TIAM2: variants seen among roughly 807,000 people sequenced by gnomAD.
TIAM2 encodes rho guanine nucleotide exchange factor TIAM2.
In TIAM2, 80 loss-of-function variants were observed where a neutral mutation model predicts 152.9. The ratio of observed to expected loss-of-function variants is 0.52; its 90% CI spans 0.44 to 0.63. TIAM2 has a LOEUF of 0.63. Ranked by LOEUF, TIAM2 falls within the 30% of genes least tolerant of loss-of-function variation. The pLI, the probability that TIAM2 is intolerant of heterozygous loss-of-function variation, is 0.00. For synonymous variants in TIAM2, 804 were observed against 838.0 expected (o/e 0.96, Z 0.70); for missense variants, 1,965 against 2,120.1 (o/e 0.93, Z 1.44).
At chr6:155,152,133 A>C (rs1779986458) in intron 7 of TIAM2, among the ~76,000 whole-genome samples, 1 of 152,158 alleles carries the variant, frequency 6.6e-6, no homozygotes, top group Non-Finnish European at 1.5e-5. Context: ...GTAAGCCACC[A>C]CGGCTAATCT....
chr6:155,257,174 G>A lies in TIAM2; in HGVS notation c.*53G>A. 5 of 1,274,580 alleles carry A rather than the reference G, an allele frequency of 3.9e-6. No individual in the cohort carries two copies. The highest frequency in any genetic ancestry group is 5.5e-6 in the Non-Finnish European group (5 of 909,748). 79.0% of individuals were successfully genotyped at this position (1,274,580 alleles called of 1,614,324 possible). Reference sequence around the variant, plus strand: ...TTCCTCATTTTACTTTTAAACTGGTGGTAAAGTGGAAATTGCAAAAAAAAA... The same window carrying A: ...TTCCTCATTTTACTTTTAAACTGGTAGTAAAGTGGAAATTGCAAAAAAAAA... On this transcript the variant is annotated 3_prime_UTR_variant, in exon 27 of 27. Transcript: ENST00000682666.
At position 155,010,006 on chromosome 6, in the gene TIAM2, C is replaced by T. The variant is rs377090427; in HGVS notation, c.-209+14514C>T. On this transcript the variant is annotated intron_variant, in intron 1 of 26. Transcript: ENST00000682666. ...TAGCTGGGACTACAGGCGCCCGCCA[C>T]CACACCTGGCTAATTTTTGTATTTT... 1.8e-4 allele frequency among the ~76,000 whole-genome samples: 28 copies of T among 152,248 alleles called. 1 individual carries two copies. In the South Asian group the frequency reaches 1.9e-3, roughly 10 times the overall value.
intron 23 of TIAM2, 114 bp from the exon 24 acceptor site, chr6:155,252,834 T>A: frequency 1.1e-6 from 1 of 893,846 alleles, no homozygotes; most frequent in Non-Finnish European, 1.8e-6. Flanking sequence ...AACACCCACA[T>A]GGCTGCTCGG....
At position 155,214,019 on chromosome 6, in the gene TIAM2, C is replaced by T. The variant is rs983940790; in HGVS notation, c.3168+2712C>T. On this transcript the variant is annotated intron_variant, in intron 15 of 26. Coordinates refer to ENST00000682666, the MANE Select transcript of TIAM2 (RefSeq NM_012454.4). The surrounding 1 kb of genome is among the most constrained non-coding windows in gnomAD (Gnocchi z 5.4). ...ATGTCTGGGTCCACAGTCGCGGCTA[C>T]GTGGCTGCAGCAGTACCCGGGAGGG... Among the ~76,000 whole-genome samples, 4 of 152,204 alleles carry T rather than the reference C, an allele frequency of 2.6e-5. No individual in the cohort carries two copies. Among genetic ancestry groups the T allele is most frequent in the South Asian group, 2.1e-4 (1 of 4,832 alleles).
intron 2 of TIAM2, among the ~76,000 whole-genome samples, chr6:155,126,998 T>C (rs1779311566): frequency 6.6e-6 from 1 of 152,190 alleles, no homozygotes. Flanking sequence ...TGCTAACATG[T>C]GCTTGAGAAA....
At chr6:155,110,535 CAT>C (rs901866101) in intron 2 of TIAM2, among the ~76,000 whole-genome samples, 11 of 152,156 alleles carry the variant, frequency 7.2e-5, no homozygotes, top group Admixed American at 2.0e-4. Flanking sequence ...TAGGTGCACA[CAT>C]GTTACCCTAA....
At chr6:155,200,984 G>A (rs373811527) in intron 14 of TIAM2, among the ~76,000 whole-genome samples, 37 of 152,158 alleles carry the variant, frequency 2.4e-4, no homozygotes, top group African/African-American at 7.7e-4. Context: ...TCCAACCCCC[G>A]CTCCTGGCAA....
At chr6:155,256,177 A>AACTT (rs1288791835) in intron 26 of TIAM2, 16 of 532,688 alleles carry the variant, frequency 3.0e-5, no homozygotes, top group African/African-American at 9.8e-5. Flanking sequence ...TTAACTTTTC[A>AACTT]ACTTACTCCT....
In TIAM2 at chr6:155,257,273, G is replaced by GTTATT; in HGVS notation, c.*156_*160dup. 1 of 879,394 alleles carries GTTATT rather than the reference G, an allele frequency of 1.1e-6. No individual in the cohort carries two copies. The highest frequency in any genetic ancestry group is 1.8e-5 in the South Asian group (1 of 54,570). 54.5% of individuals were successfully genotyped at this position (879,394 alleles called of 1,614,324 possible). On this transcript the variant is annotated 3_prime_UTR_variant, in exon 27 of 27. Transcript: ENST00000682666. Reference sequence around the variant, plus strand: ...CCACAAAATGGTTGTAAAGATTTAAGTTATTTTAATTTATTGTGGATCAGA... The same window carrying GTTATT: ...CCACAAAATGGTTGTAAAGATTTAAGTTATTTTATTTTAATTTATTGTGGATCAGA...
intron 14 of TIAM2, among the ~76,000 whole-genome samples, chr6:155,205,145 A>T (rs1781564817): frequency 8.1e-6 from 1 of 123,420 alleles, no homozygotes; most frequent in Non-Finnish European, 1.6e-5. Context: ...ATTCTGGGGG[A>T]TACATTCAAA....
chr6:155,039,766 C>T (rs960888924), intron 1 of TIAM2, among the ~76,000 whole-genome samples: 1 of 152,150 alleles, frequency 6.6e-6, no homozygotes, highest in Non-Finnish European at 1.5e-5. Context: ...TGTAACTTGT[C>T]TCTTCCTAAA....
Position 155,104,496 on chromosome 6 carries a change from A to G in TIAM2, c.-118+14117A>G, listed in dbSNP as rs192660648. Among the ~76,000 whole-genome samples, 479 of 152,210 alleles carry G rather than the reference A, an allele frequency of 3.1e-3. 3 individuals are homozygous for G. Among genetic ancestry groups the G allele is most frequent in the Admixed American group, 4.6e-3 (70 of 15,286 alleles). On this transcript the variant is annotated intron_variant, in intron 2 of 26. Transcript: ENST00000682666. ...AAGCATGGCCGGCACGGTGGGTCAC[A>G]CCTGTCATCCCAGCACTTTGGGAGG...
At chr6:155,098,500 A>C (rs1346760100) in intron 2 of TIAM2, among the ~76,000 whole-genome samples, 1 of 152,192 alleles carries the variant, frequency 6.6e-6, no homozygotes. Flanking sequence ...GCATATATAG[A>C]TGCTACTGAT....
Position 155,137,497 on chromosome 6 carries a change from G to C in TIAM2, c.1515G>C (p.Gly505=). 1.2e-6 allele frequency: 2 copies of C among 1,614,194 alleles called. No homozygotes were observed. The highest frequency in any genetic ancestry group is 1.6e-4 in the Middle Eastern group (1 of 6,062). ...ATCTGCTCTTTGAGAAGGAACAGGGGGTGGTCCGGAAGGCCGGGTGGCTCT... is the reference window on the plus strand; with the variant it reads ...ATCTGCTCTTTGAGAAGGAACAGGGCGTGGTCCGGAAGGCCGGGTGGCTCT... ...QLDLLFEKEQ[G]VVRKAGWLFF... The change falls in exon 5 of 27, where the codon GGG becomes GGC. Residue 505 remains glycine (G), a synonymous_variant. Transcript: ENST00000682666.
Position 155,257,616 on chromosome 6 carries a change from G to GCA in TIAM2, c.*495_*496insCA. ...AATAGATGCTGTTTATACTAAACATGTCATAACTATCTATACAGTATATAT... is the reference window on the plus strand; with the variant it reads ...AATAGATGCTGTTTATACTAAACATGCATCATAACTATCTATACAGTATATAT... On this transcript the variant is annotated 3_prime_UTR_variant, in exon 27 of 27. Transcript: ENST00000682666. 3.7e-6 allele frequency: 2 copies of GCA among 546,570 alleles called. No individual in the cohort carries two copies. The highest frequency in any genetic ancestry group is 3.4e-5 in the Admixed American group (1 of 29,366). The allele number at this position is 546,570 out of a possible 1,614,324, so 33.9% of individuals were successfully genotyped here. A position where few individuals can be genotyped will look rare whatever the true frequency, so the allele number is the denominator to read the frequency against.
At chr6:155,232,831 G>A (rs1229022007) in intron 15 of TIAM2, 4 of 152,132 alleles carry the variant, frequency 2.6e-5, no homozygotes, top group African/African-American at 7.2e-5. Flanking sequence ...CGTCTGTTAC[G>A]GATCCTCCCC....
chr6:155,255,082 T>C (rs1783914696), intron 26 of TIAM2: 1 of 154,634 alleles, frequency 6.5e-6, no homozygotes, highest in Non-Finnish European at 1.4e-5. Context: ...ATTCAATACA[T>C]TTCATGAGAT....
chr6:155,153,902 G>A (rs1277033713), intron 7 of TIAM2, among the ~76,000 whole-genome samples: 2 of 152,114 alleles, frequency 1.3e-5, no homozygotes, highest in African/African-American at 4.8e-5. Flanking sequence ...GATTACAGGC[G>A]TGAAACCACT....
In TIAM2 at chr6:155,117,694, C is replaced by T. The variant is rs538236049; in HGVS notation, c.-117-9796C>T. 2.4e-4 allele frequency among the ~76,000 whole-genome samples: 37 copies of T among 152,276 alleles called. No individual in the cohort carries two copies. In the South Asian group the frequency reaches 6.6e-3, roughly 27 times the overall value. ...CTGACCTCAGGTGATCCACCCACCT[C>T]GGCCTTCCAAAGTGCTGGGATTACA... On this transcript the variant is annotated intron_variant, in intron 2 of 26. Coordinates refer to ENST00000682666, the MANE Select transcript of TIAM2 (RefSeq NM_012454.4).
Sources: allele counts gnomAD v4.1 joint callset (sites outside exome capture counted in the v4.1 genomes callset), GRCh38; gene constraint gnomAD v4.1.1; non-coding constraint Gnocchi (gnomAD v3.1); transcripts MANE v1.5; gene names NCBI Gene and HGNC (gene_info 2026-07-23, HGNC 2026-07-21).